Variants in DLG2 observed in about 807,000 individuals in gnomAD.
DLG2 encodes the protein disks large homolog 2.
DLG2 carries 45 observed loss-of-function variants against 132.5 expected under a neutral mutation model. The observed-to-expected ratio is 0.34, with a 90% CI of 0.27 to 0.44. The LOEUF (loss-of-function observed/expected upper bound fraction) is 0.44. Ranked by LOEUF, DLG2 falls within the 20% of genes least tolerant of loss-of-function variation. The pLI is 1.00. For synonymous variants in DLG2, 424 were observed against 419.6 expected, an observed-to-expected ratio of 1.01 and a Z score of -0.13; for missense variants, 1,045 against 1,196.9, an observed-to-expected ratio of 0.87 and a Z score of 1.87.
At position 84,383,951 on chromosome 11, in the gene DLG2, GCTCCTACTGCA is replaced by G. The variant is rs540179351; in HGVS notation, c.520-132671_520-132661del. ...AACAGCCCAAGATGCTTTTCATTGG[GCTCCTACTGCA>G]CTTTTCACATACCTCCATCAAGCAG... is the stretch of plus-strand genomic sequence containing the variant. On this transcript the variant is annotated intron_variant, in intron 7 of 27. Coordinates refer to ENST00000376104, the MANE Select transcript of DLG2 (RefSeq NM_001142699.3). Among the ~76,000 whole-genome samples the G allele has an allele frequency of 3.6e-4, 55 of 151,766 alleles. 1 individual carries two copies. In the South Asian group the frequency reaches 0.011, roughly 31 times the overall value.
chr11:85,483,533 T>G (rs575614902), intron 3 of DLG2, among the ~76,000 whole-genome samples: 5 of 152,154 alleles, frequency 3.3e-5, no homozygotes, highest in Non-Finnish European at 7.4e-5. Context: ...CAAAAACAAC[T>G]AAAAGCATAA....
At chr11:83,883,125 C>T (rs2066773071) in intron 15 of DLG2, among the ~76,000 whole-genome samples, 1 of 152,232 alleles carries the variant, frequency 6.6e-6, no homozygotes. Flanking sequence ...TACAATCTTA[C>T]ACTTTGCATT....
intron 5 of DLG2, among the ~76,000 whole-genome samples, chr11:85,118,728 G>C (rs2073960746): frequency 6.6e-6 from 1 of 151,962 alleles, no homozygotes; most frequent in South Asian, 2.1e-4. Context: ...TTAATACCAT[G>C]AGGAACTGAC....
At chr11:84,714,589 T>TCTC (rs2060880691) in intron 6 of DLG2, among the ~76,000 whole-genome samples, 3 of 125,940 alleles carry the variant, frequency 2.4e-5, no homozygotes, top group Admixed American at 7.7e-5. Context: ...CTCTTTCTCT[T>TCTC]TCTCTTTCTT....
At chr11:85,517,321 A>G (rs1214756432) in intron 3 of DLG2, among the ~76,000 whole-genome samples, 1 of 152,170 alleles carries the variant, frequency 6.6e-6, no homozygotes, top group Non-Finnish European at 1.5e-5. Context: ...CCTATAGCCA[A>G]TGTCATACTG....
chr11:85,213,647 G>A (rs1032594708), intron 4 of DLG2, among the ~76,000 whole-genome samples: 1 of 152,114 alleles, frequency 6.6e-6, no homozygotes, highest in African/African-American at 2.4e-5. Flanking sequence ...TAAGTTCTCT[G>A]TTGATGTTAA....
At position 85,626,758 on chromosome 11, in the gene DLG2, G is replaced by A. The variant is rs1003176485; in HGVS notation, c.-259-5C>T. On this transcript the variant is annotated splice_region_variant and splice_polypyrimidine_tract_variant and intron_variant, in intron 1 of 27. Coordinates refer to ENST00000376104, the MANE Select transcript of DLG2 (RefSeq NM_001142699.3). ...TTGAAATCCAGGCTGAGTCTTCTAT[G>A]TCAGACAAAGAAAATAATGATGTAT... 1 of 152,168 alleles carries A rather than the reference G, an allele frequency of 6.6e-6. No individual in the cohort carries two copies. The highest frequency in any genetic ancestry group is 1.5e-5 in the Non-Finnish European group (1 of 68,036). 9.4% of individuals were successfully genotyped at this position (152,168 alleles called of 1,614,324 possible).
intron 19 of DLG2, among the ~76,000 whole-genome samples, chr11:83,609,533 C>T (rs1406760932): frequency 1.3e-5 from 2 of 152,132 alleles, no homozygotes; most frequent in Non-Finnish European, 2.9e-5. Context: ...TCTGATTTTA[C>T]GAGATTATCT....
intron 7 of DLG2, among the ~76,000 whole-genome samples, chr11:84,351,604 T>C (rs986400671): frequency 1.3e-4 from 20 of 152,216 alleles, no homozygotes; most frequent in Admixed American, 5.9e-4. Context: ...TACAGTATTT[T>C]AACTGAGCGC....
At chr11:85,500,340 A>G (rs538496484) in intron 3 of DLG2, among the ~76,000 whole-genome samples, 1 of 135,872 alleles carries the variant, frequency 7.4e-6, no homozygotes, top group Admixed American at 7.9e-5. Flanking sequence ...GAATTGAACA[A>G]TGAGATCACA....
chr11:84,921,082 A>C (rs2092732462), intron 6 of DLG2, among the ~76,000 whole-genome samples: 1 of 149,730 alleles, frequency 6.7e-6, no homozygotes, highest in African/African-American at 2.5e-5. Context: ...AACACTTTTA[A>C]AATGTAATAT....
At chr11:84,086,487 CTTTCTT>C (rs1566421948) in intron 10 of DLG2, among the ~76,000 whole-genome samples, 3 of 117,000 alleles carry the variant, frequency 2.6e-5, no homozygotes, top group African/African-American at 9.6e-5. Context: ...CTTTTTCTTT[CTTTCTT>C]TTTTTTTTTT....
In DLG2 at chr11:83,469,308, C is replaced by T. The variant is rs762467320; in HGVS notation, c.2512G>A (p.Glu838Lys). The change falls in exon 25 of 28, where the codon GAA (glutamate) becomes AAA (lysine). Residue 838 changes from glutamate (E) to lysine (K), a missense_variant. Physicochemically the swap from Glu to Lys is moderately conservative, Grantham distance 56. Around this residue, in one of 4 missense-constraint regions of DLG2, gnomAD observed 398 missense variants for 543.6 expected, o/e 0.73. Transcript: ENST00000376104. The stretch of plus-strand genomic sequence containing the variant: ...TCTTGGATATCTTTCTCCATTTGTT[C>T]TCTGGAAATGACAAAGTGATAGTCT... ...GRDYHFVISREQMEKDIQEHK... is the reference protein window; with the variant it reads ...GRDYHFVISRKQMEKDIQEHK... 3.7e-6 allele frequency: 6 copies of T among 1,613,760 alleles called. No homozygotes were observed. The highest frequency in any genetic ancestry group is 5.1e-6 in the Non-Finnish European group (6 of 1,179,812).
intron 15 of DLG2, among the ~76,000 whole-genome samples, chr11:83,882,758 T>A (rs1262805218): frequency 6.6e-6 from 1 of 152,216 alleles, no homozygotes; most frequent in African/African-American, 2.4e-5. Context: ...AATAACTGGT[T>A]CTGGATGTGC....
intron 2 of DLG2, among the ~76,000 whole-genome samples, chr11:85,612,595 T>C (rs2081081874): frequency 6.6e-6 from 1 of 152,172 alleles, no homozygotes; most frequent in Admixed American, 6.5e-5. Flanking sequence ...CAAAGAATAA[T>C]TGAAATCCCA....
At chr11:85,526,152 G>T (rs1200915937) in intron 3 of DLG2, among the ~76,000 whole-genome samples, 2 of 152,180 alleles carry the variant, frequency 1.3e-5, no homozygotes, top group Non-Finnish European at 2.9e-5. Context: ...TGCTACTCTA[G>T]TCTTGTTTAA....
At chr11:84,441,735 C>G (rs2154477792) in intron 7 of DLG2, among the ~76,000 whole-genome samples, 1 of 152,192 alleles carries the variant, frequency 6.6e-6, no homozygotes, top group Admixed American at 6.5e-5. Context: ...GAATAAAGTA[C>G]AATCTTTTTC....
intron 5 of DLG2, among the ~76,000 whole-genome samples, chr11:85,151,436 T>C (rs1396368190): frequency 1.3e-5 from 2 of 152,102 alleles, no homozygotes; most frequent in Non-Finnish European, 2.9e-5. Flanking sequence ...ATTCAAGAAA[T>C]TGTTGCCAAA....
chr11:84,972,080 AT>A (rs2054178553), intron 6 of DLG2, among the ~76,000 whole-genome samples: 1 of 152,120 alleles, frequency 6.6e-6, no homozygotes, highest in Admixed American at 6.5e-5. Context: ...AAAATTTTAG[AT>A]GCCACACAAC....
Sources: allele counts gnomAD v4.1 joint callset (sites outside exome capture counted in the v4.1 genomes callset), GRCh38; gene constraint gnomAD v4.1.1; regional missense constraint gnomAD v4.1.1; transcripts MANE v1.5; gene names NCBI Gene and HGNC (gene_info 2026-07-23, HGNC 2026-07-21).